USF3: variants seen among roughly 807,000 people sequenced by gnomAD.
USF3 encodes basic helix-loop-helix domain-containing protein USF3.
A neutral mutation model predicts 157.5 loss-of-function variants in USF3; 29 were observed. The observed-to-expected ratio is 0.18, with a 90% confidence interval of 0.14 to 0.25. The LOEUF (loss-of-function observed/expected upper bound fraction) is 0.25, where lower values mean the gene tolerates loss of function less well. Ranked by LOEUF, USF3 falls within the 10% of genes least tolerant of loss-of-function variation. The probability of loss-of-function intolerance (pLI) is 1.00; values close to 1 mark genes in which losing one functional copy is unlikely to be tolerated. For missense variants in USF3, 2,381 were observed against 2,667.6 expected (o/e 0.89, Z 2.37); for synonymous variants, 893 against 941.4 (o/e 0.95, Z 0.94).
At chr3:113,692,906 G>A (rs1362248910) in intron 1 of USF3, among the ~76,000 whole-genome samples, 2 of 152,160 alleles carry the variant, frequency 1.3e-5, no homozygotes, top group African/African-American at 4.8e-5. Context: ...AATAATAAAT[G>A]TATACCTTTA....
In USF3 at chr3:113,661,290, T is replaced by C. The variant is rs759726150; in HGVS notation, c.392A>G (p.Asn131Ser). 2 of 1,614,080 alleles carry C rather than the reference T, an allele frequency of 1.2e-6. No individual in the cohort carries two copies. Among genetic ancestry groups the C allele is most frequent in the Non-Finnish European group, 1.7e-6 (2 of 1,179,984 alleles). The change falls in exon 7 of 7, where the codon AAC becomes AGC. Residue 131 changes from asparagine (N) to serine (S), a missense_variant. Asn to Ser is a conservative substitution (Grantham distance 46). Coordinates refer to ENST00000316407, the MANE Select transcript of USF3 (RefSeq NM_001009899.4). ...AGGAATAACAACAGAGACCTTTGAG[T>C]TTTTAAGATTTCCTTTCCAGTGAAT... ...PTIHWKGNLKNSKVSVVIPSD... is the reference protein window; with the variant it reads ...PTIHWKGNLKSSKVSVVIPSD...
At chr3:113,665,562 C>T (rs542870700) in intron 5 of USF3, among the ~76,000 whole-genome samples, 10 of 152,202 alleles carry the variant, frequency 6.6e-5, no homozygotes, top group Admixed American at 1.3e-4. Flanking sequence ...CGCAGTGGCT[C>T]ATGCCTATAA....
chr3:113,670,322 G>C, intron 4 of USF3, 119 bp from the exon 5 acceptor site: 1 of 683,628 alleles, frequency 1.5e-6, no homozygotes, highest in Non-Finnish European at 2.6e-6. Context: ...TCAATGGCCA[G>C]GCGTGATGGT....
At chr3:113,690,300 T>C (rs1335284309) in intron 1 of USF3, among the ~76,000 whole-genome samples, 1 of 152,242 alleles carries the variant, frequency 6.6e-6, no homozygotes, top group Non-Finnish European at 1.5e-5. Flanking sequence ...CGTCTGGCCT[T>C]AAGCAGTCTT....
chr3:113,658,832 A>C lies in USF3; in HGVS notation c.2850T>G (p.Asp950Glu), dbSNP rs1170016941. ...SANVLIPSPS[D>E]PHILVSQVPG... The stretch of plus-strand genomic sequence containing the variant: ...GAACCTGAGAAACCAAAATGTGAGG[A>C]TCACTTGGAGATGGAATCAATACAT... Residue 950 changes from aspartate to glutamate, a missense_variant, in exon 7 of 7, where the codon GAT becomes GAG. Physicochemically the swap from Asp to Glu is conservative, Grantham distance 45. Coordinates refer to ENST00000316407, the MANE Select transcript of USF3 (RefSeq NM_001009899.4). The C allele has an allele frequency of 6.2e-7, 1 of 1,614,188 alleles. No homozygotes were observed. The highest frequency in any genetic ancestry group is 1.7e-5 in the Admixed American group (1 of 60,020).
At position 113,661,409 on chromosome 3, in the gene USF3, C is replaced by A. The variant is rs770857155; in HGVS notation, c.273G>T (p.Lys91Asn). 6.8e-5 allele frequency: 105 copies of A among 1,554,710 alleles called. No individual in the cohort carries two copies. In the East Asian group the frequency reaches 2.3e-3, roughly 33 times the overall value. Residue 91 changes from lysine to asparagine, a missense_variant, in exon 7 of 7, where the codon AAG (lysine) becomes AAT (asparagine). Physicochemically the swap from Lys to Asn is moderately conservative, Grantham distance 94. Transcript: ENST00000316407. ...GNNEQAEEIK[K>N]LRKQLEEIQK... ...GGATTTCTTCCAGTTGTTTCCGTAG[C>A]TTTTTTATTTCTTCAGCTATAATAT...
Position 113,655,477 on chromosome 3 carries a change from G to C in USF3, c.6205C>G (p.Pro2069Ala). The C allele has an allele frequency of 6.2e-7, 1 of 1,614,070 alleles. No individual in the cohort carries two copies. The highest frequency in any genetic ancestry group is 8.5e-7 in the Non-Finnish European group (1 of 1,179,960). ...LSQNFGFSFIPEGGMNPPINA... is the reference protein window; with the variant it reads ...LSQNFGFSFIAEGGMNPPINA... ...ATTGGTGGATTCATGCCACCCTCAGGAATAAAAGAAAAACCAAAATTTTGT... is the reference window on the plus strand; with the variant it reads ...ATTGGTGGATTCATGCCACCCTCAGCAATAAAAGAAAAACCAAAATTTTGT... The change falls in exon 7 of 7, where the codon CCT (proline) becomes GCT (alanine). Residue 2069 changes from proline (P) to alanine (A), a missense_variant. By Grantham distance (27) the Pro-to-Ala change is conservative. Around this residue, in one of 6 missense-constraint regions of USF3, gnomAD observed 770 missense variants for 824.2 expected, o/e 0.93. Coordinates refer to ENST00000316407, the MANE Select transcript of USF3 (RefSeq NM_001009899.4).
intron 3 of USF3, among the ~76,000 whole-genome samples, chr3:113,673,665 T>C (rs1273083771): frequency 6.6e-6 from 1 of 152,216 alleles, no homozygotes; most frequent in Non-Finnish European, 1.5e-5. Flanking sequence ...CTGAAAAGCT[T>C]AATTAACTAT....
intron 1 of USF3, among the ~76,000 whole-genome samples, chr3:113,689,314 G>A (rs1261160222): frequency 6.6e-6 from 1 of 152,170 alleles, no homozygotes; most frequent in Non-Finnish European, 1.5e-5. Flanking sequence ...ATCTAGCAAA[G>A]TGCCTGGTAC....
In USF3 at chr3:113,656,957, T is replaced by C. The variant is rs761072318; in HGVS notation, c.4725A>G (p.Thr1575=). ...QMQQHFGSSQ[T]EKSCENPSTS... is the part of the protein sequence containing the mutation. ...TTGAAGGGTTTTCACAGCTCTTCTC[T>C]GTCTGGGAGCTTCCAAAGTGTTGCT... Residue 1575 remains threonine (T), a synonymous_variant, in exon 7 of 7, where the codon ACA becomes ACG. Transcript: ENST00000316407. 1 of 1,614,200 alleles carries C rather than the reference T, an allele frequency of 6.2e-7. No individual in the cohort carries two copies. Among genetic ancestry groups the C allele is most frequent in the Non-Finnish European group, 8.5e-7 (1 of 1,180,030 alleles).
At chr3:113,669,285 C>T (rs552482072) in intron 5 of USF3, among the ~76,000 whole-genome samples, 10 of 150,446 alleles carry the variant, frequency 6.6e-5, no homozygotes, top group East Asian at 1.9e-4. Flanking sequence ...GATACAGCAA[C>T]GTAAGTATGC....
In USF3 at chr3:113,660,820, C is replaced by T. The variant is rs1357452772; in HGVS notation, c.862G>A (p.Glu288Lys). The T allele has an allele frequency of 1.9e-6, 3 of 1,613,998 alleles. No homozygotes were observed. In the African/African-American group the frequency reaches 4.0e-5, roughly 22 times the overall value. The change falls in exon 7 of 7, where the codon GAG (glutamate) becomes AAG (lysine). Residue 288 changes from glutamate to lysine, a missense_variant. Physicochemically the swap from Glu to Lys is moderately conservative, Grantham distance 56. This residue lies in a region of USF3 where 1,435 missense variants were observed against 1,550.9 expected (regional missense o/e 0.93). Transcript: ENST00000316407. ...ATTTTCTTCAATACTTTGGGGTTCTCTTGTCCATTCTTATTTTCAGAAGAA... is the reference window on the plus strand; with the variant it reads ...ATTTTCTTCAATACTTTGGGGTTCTTTTGTCCATTCTTATTTTCAGAAGAA... ...QNSSENKNGQENPKVLKKMTP... is the reference protein window; with the variant it reads ...QNSSENKNGQKNPKVLKKMTP...
In USF3 at chr3:113,655,156, G is replaced by C. The variant is rs749579820; in HGVS notation, c.6526C>G (p.Pro2176Ala). 2.3e-5 allele frequency: 37 copies of C among 1,614,070 alleles called. No homozygotes were observed. Among genetic ancestry groups the C allele is most frequent in the Non-Finnish European group, 3.0e-5 (35 of 1,180,036 alleles). Residue 2176 changes from proline to alanine, a missense_variant, in exon 7 of 7, where the codon CCA becomes GCA. Physicochemically the swap from Pro to Ala is conservative, Grantham distance 27 (BLOSUM62 -1). This residue lies in a region of USF3 where 770 missense variants were observed against 824.2 expected (regional missense o/e 0.93). Transcript: ENST00000316407. ...QPSFPLLPDM[P>A]PMHMTNSHLS... ...TGAGAGTTGGTCATGTGCATTGGTGGCATATCTGGGAGAAGAGGAAAACTT... is the reference window on the plus strand; with the variant it reads ...TGAGAGTTGGTCATGTGCATTGGTGCCATATCTGGGAGAAGAGGAAAACTT...
rs759518271 is a variant in USF3, at chr3:113,658,886, T to C, written c.2796A>G (p.Ser932=). ...QDKPPSSLAL[S]DAAKPCASAN... The stretch of plus-strand genomic sequence containing the variant: ...CTGAAGCGCAGGGTTTGGCAGCATC[T>C]GATAATGCTAAACTACTTGGTGGTT... The change falls in exon 7 of 7, where the codon TCA becomes TCG. Residue 932 remains serine, a synonymous_variant. Transcript: ENST00000316407. The C allele has an allele frequency of 2.5e-6, 4 of 1,614,212 alleles. No individual in the cohort carries two copies. In the South Asian group the frequency reaches 4.4e-5, roughly 18 times the overall value.
At chr3:113,694,389 G>C (rs1707757693) in intron 1 of USF3, among the ~76,000 whole-genome samples, 1 of 152,182 alleles carries the variant, frequency 6.6e-6, no homozygotes, top group Admixed American at 6.5e-5. Flanking sequence ...TGAGTGTAAG[G>C]TCTACAACCT....
intron 1 of USF3, among the ~76,000 whole-genome samples, chr3:113,683,634 G>C (rs552371569): frequency 6.6e-6 from 1 of 151,768 alleles, no homozygotes; most frequent in Admixed American, 6.6e-5. Flanking sequence ...ATGCCCAGCT[G>C]ATTTTTATAT....
In USF3 at chr3:113,658,503, T is replaced by C. The variant is rs767405807; in HGVS notation, c.3179A>G (p.Asp1060Gly). The C allele has an allele frequency of 1.9e-6, 3 of 1,614,034 alleles. No homozygotes were observed. The highest frequency in any genetic ancestry group is 2.2e-5 in the South Asian group (2 of 91,064). ...ELLLMNNDDR[D>G]PPQHHSCLPD... ...GAGGCAGGAATGATGCTGTGGAGGATCTCTATCATCATTGTTCATCAGTAA... is the reference window on the plus strand; with the variant it reads ...GAGGCAGGAATGATGCTGTGGAGGACCTCTATCATCATTGTTCATCAGTAA... Residue 1060 changes from aspartate (D) to glycine (G), a missense_variant, in exon 7 of 7, where the codon GAT becomes GGT. By Grantham distance (94) the Asp-to-Gly change is moderately conservative. Around this residue, in one of 6 missense-constraint regions of USF3, gnomAD observed 1,435 missense variants for 1,550.9 expected, o/e 0.93. Coordinates refer to ENST00000316407, the MANE Select transcript of USF3 (RefSeq NM_001009899.4).
chr3:113,696,264 G>C lies in USF3; in HGVS notation c.-135+106C>G, dbSNP rs372642324. 2.0e-5 allele frequency: 3 copies of C among 152,660 alleles called. 1 individual carries two copies. Among genetic ancestry groups the C allele is most frequent in the South Asian group, 4.1e-4 (2 of 4,864 alleles). 9.5% of individuals were successfully genotyped at this position (152,660 alleles called of 1,614,324 possible). A position where few individuals can be genotyped will look rare whatever the true frequency, so the allele number is the denominator to read the frequency against. On this transcript the variant is annotated intron_variant, in intron 1 of 6. Coordinates refer to ENST00000316407, the MANE Select transcript of USF3 (RefSeq NM_001009899.4). Reference sequence around the variant, plus strand: ...AGCCCTGGCCTCCCGGAGCAGGAAGGGGGTGGGTGGAGCTGAGCCCGGGGC... The same window carrying C: ...AGCCCTGGCCTCCCGGAGCAGGAAGCGGGTGGGTGGAGCTGAGCCCGGGGC...
rs1290616412 is a variant in USF3, at chr3:113,658,056, G to A, written c.3626C>T (p.Pro1209Leu). 1 of 1,614,042 alleles carries A rather than the reference G, an allele frequency of 6.2e-7. No homozygotes were observed. Among genetic ancestry groups the A allele is most frequent in the Non-Finnish European group, 8.5e-7 (1 of 1,180,000 alleles). The stretch of plus-strand genomic sequence containing the variant: ...TAGAGAACAACTTGGTTTCTCAAGG[G>A]GCCTCTCCATAGTTGCTTCAATTGA... ...QGSIEATMER[P>L]LEKPSCSLGI... Residue 1209 changes from proline to leucine, a missense_variant, in exon 7 of 7, where the codon CCC becomes CTC. Pro to Leu is a moderately conservative substitution (Grantham distance 98). Coordinates refer to ENST00000316407, the MANE Select transcript of USF3 (RefSeq NM_001009899.4).
Sources: gnomAD v4.1 joint callset for allele counts (sites outside exome capture counted in the v4.1 genomes callset) on GRCh38, gnomAD v4.1.1 for gene constraint, gnomAD v4.1.1 regional missense constraint, MANE v1.5 for transcripts, NCBI Gene and HGNC (gene_info 2026-07-23, HGNC 2026-07-21) for gene names.